Variants in ADK observed in about 807,000 individuals in gnomAD.
ADK encodes adenosine kinase, also known as N6,N6-dimethyladenosine kinase.
A neutral mutation model predicts 44.7 loss-of-function variants in ADK; 24 were observed. The observed-to-expected ratio is 0.54, with a 90% CI of 0.39 to 0.76. ADK has a LOEUF of 0.76. Ranked by LOEUF, ADK falls within the 30% of genes least tolerant of loss-of-function variation. The pLI is 0.00. For synonymous variants in ADK, 128 were observed against 142.6 expected, an observed-to-expected ratio of 0.90 and a Z score of 0.73; for missense variants, 321 against 425.1, an observed-to-expected ratio of 0.76 and a Z score of 2.15.
chr10:74,153,255 C>T (rs1195098145), intron 1 of ADK, among the ~76,000 whole-genome samples: 1 of 152,064 alleles, frequency 6.6e-6, no homozygotes, highest in African/African-American at 2.4e-5. Context: ...GGAAATTTTG[C>T]CCTCCAGGGG....
At chr10:74,698,887 C>T (rs992531824) in intron 10 of ADK, among the ~76,000 whole-genome samples, 2 of 150,510 alleles carry the variant, frequency 1.3e-5, no homozygotes, top group African/African-American at 4.9e-5. Flanking sequence ...GTTGTTGTTG[C>T]CCAAACTAGA....
chr10:74,653,541 G>A (rs113640548), intron 9 of ADK, among the ~76,000 whole-genome samples: 2,263 of 152,046 alleles, frequency 0.015, 35 homozygotes, highest in Non-Finnish European at 0.024. Context: ...GCTTCTATTC[G>A]TAAAGAATGG....
intron 9 of ADK, among the ~76,000 whole-genome samples, chr10:74,626,357 T>C (rs547611837): frequency 6.6e-6 from 1 of 150,746 alleles, no homozygotes; most frequent in South Asian, 2.1e-4. Flanking sequence ...TGGAGTGCAA[T>C]GGCACGATCT....
At chr10:74,454,091 C>T (rs780240740) in intron 6 of ADK, among the ~76,000 whole-genome samples, 3 of 152,120 alleles carry the variant, frequency 2.0e-5, no homozygotes, top group South Asian at 2.1e-4. Flanking sequence ...TGTTAAATAA[C>T]GGCCACTAAA....
intron 6 of ADK, among the ~76,000 whole-genome samples, chr10:74,520,312 C>G (rs1394449246): frequency 6.6e-6 from 1 of 151,232 alleles, no homozygotes; most frequent in Non-Finnish European, 1.5e-5. Flanking sequence ...TCAGTAAAAA[C>G]AAAGTCTTTT....
intron 6 of ADK, among the ~76,000 whole-genome samples, chr10:74,437,847 C>A (rs904723203): frequency 3.9e-5 from 6 of 152,284 alleles, no homozygotes; most frequent in African/African-American, 1.4e-4. Context: ...TGGCTTTCCT[C>A]CTACCTGTCT....
chr10:74,419,979 G>A (rs2133017318), intron 6 of ADK, among the ~76,000 whole-genome samples: 1 of 152,254 alleles, frequency 6.6e-6, no homozygotes, highest in South Asian at 2.1e-4. Flanking sequence ...GACTAGAGCA[G>A]CTATAAACCT....
chr10:74,394,248 T>A lies in ADK; in HGVS notation c.381T>A (p.Ala127=). 6.2e-7 allele frequency: 1 copy of A among 1,614,090 alleles called. No individual in the cohort carries two copies. Among genetic ancestry groups the A allele is most frequent in the Non-Finnish European group, 8.5e-7 (1 of 1,179,966 alleles). ...AAGCTGCTGAAGCCCATGTGGATGC[T>A]CATTACTACGAGCAGAATGAGCAGC... ...KRKAAEAHVD[A]HYYEQNEQPT... The change falls in exon 5 of 11, where the codon GCT becomes GCA. Residue 127 remains alanine (A), a synonymous_variant. Coordinates refer to ENST00000539909, the MANE Select transcript of ADK (RefSeq NM_006721.4).
At chr10:74,571,458 A>G (rs2133857432) in intron 7 of ADK, among the ~76,000 whole-genome samples, 1 of 152,278 alleles carries the variant, frequency 6.6e-6, no homozygotes, top group Non-Finnish European at 1.5e-5. Context: ...TATTGCCACA[A>G]TTTCAGAGCC....
intron 3 of ADK, among the ~76,000 whole-genome samples, chr10:74,274,635 A>G (rs1320170270): frequency 6.6e-6 from 1 of 150,668 alleles, no homozygotes; most frequent in African/African-American, 2.4e-5. Flanking sequence ...AAAGATCTTT[A>G]TCCTTGTCAT....
At chr10:74,303,341 C>T (rs1443065559) in intron 3 of ADK, among the ~76,000 whole-genome samples, 1 of 151,914 alleles carries the variant, frequency 6.6e-6, no homozygotes, top group African/African-American at 2.4e-5. Flanking sequence ...GATTATAGTT[C>T]CCCCATTTAA....
chr10:74,650,389 C>T (rs1006432199), intron 9 of ADK, among the ~76,000 whole-genome samples: 1 of 151,936 alleles, frequency 6.6e-6, no homozygotes, highest in Non-Finnish European at 1.5e-5. Context: ...CTCCAGCTTG[C>T]GTGACAGAGT....
chr10:74,499,111 G>A (rs569565321), intron 6 of ADK, among the ~76,000 whole-genome samples: 232 of 152,182 alleles, frequency 1.5e-3, no homozygotes, highest in Non-Finnish European at 2.9e-3. Context: ...GATTGCAGTG[G>A]TATGATCATA....
intron 3 of ADK, among the ~76,000 whole-genome samples, chr10:74,267,754 TTGTGTGTGTGTG>T (rs372502769): frequency 6.8e-5 from 9 of 132,842 alleles, no homozygotes; most frequent in South Asian, 5.0e-4. Flanking sequence ...ATATCCTTAT[TTGTGTGTGTGTG>T]TGTGTGTGTG....
intron 4 of ADK, among the ~76,000 whole-genome samples, chr10:74,328,767 A>G (rs1248335780): frequency 1.3e-5 from 2 of 152,182 alleles, no homozygotes; most frequent in African/African-American, 4.8e-5. Flanking sequence ...CTCCCCAGTC[A>G]TACAGAACTG....
At position 74,211,381 on chromosome 10, in the gene ADK, G is replaced by C. The variant is rs1172494469; in HGVS notation, c.140+10543G>C. ...TACAAATATTTCTTTCTGTATTTTA[G>C]GTATTCTTCTATTATCTTTTAATAA... On this transcript the variant is annotated intron_variant, in intron 2 of 10. Coordinates refer to ENST00000539909, the MANE Select transcript of ADK (RefSeq NM_006721.4). Among the ~76,000 whole-genome samples the C allele has an allele frequency of 3.9e-5, 6 of 151,914 alleles. No individual in the cohort carries two copies. The South Asian group carries it at 1.0e-3, about 26-fold the overall frequency.
At chr10:74,263,565 A>G (rs1359207277) in intron 3 of ADK, among the ~76,000 whole-genome samples, 1 of 152,158 alleles carries the variant, frequency 6.6e-6, no homozygotes, top group African/African-American at 2.4e-5. Context: ...CTTCCACCCA[A>G]ATGGTAAAAG....
At chr10:74,574,633 T>C (rs1454083028) in intron 7 of ADK, among the ~76,000 whole-genome samples, 1 of 152,238 alleles carries the variant, frequency 6.6e-6, no homozygotes, top group East Asian at 1.9e-4. Context: ...GGAAAATCTC[T>C]TTCCCTGATT....
chr10:74,154,642 A>G (rs192065230), intron 1 of ADK, among the ~76,000 whole-genome samples: 79 of 152,270 alleles, frequency 5.2e-4, no homozygotes, highest in Admixed American at 4.4e-3. Flanking sequence ...GAAGTCATAT[A>G]TACCAAACTA....
Sources: allele counts gnomAD v4.1 joint callset (sites outside exome capture counted in the v4.1 genomes callset), GRCh38; gene constraint gnomAD v4.1.1; transcripts MANE v1.5; gene names NCBI Gene and HGNC (gene_info 2026-07-23, HGNC 2026-07-21).